Variants in DCAF8 observed in about 807,000 individuals in gnomAD.
DCAF8 encodes DDB1- and CUL4-associated factor 8.
In DCAF8, 20 loss-of-function variants were observed where a neutral mutation model predicts 68.0. That is an observed-to-expected ratio of 0.29 (90% CI 0.21 to 0.43). DCAF8 has a LOEUF of 0.43. Ranked by LOEUF, DCAF8 falls within the 20% of genes least tolerant of loss-of-function variation. The pLI, the probability that DCAF8 is intolerant of heterozygous loss-of-function variation, is 1.00. For missense variants in DCAF8, 460 were observed against 771.0 expected, an observed-to-expected ratio of 0.60 and a Z score of 4.78; for synonymous variants, 230 against 276.9, an observed-to-expected ratio of 0.83 and a Z score of 1.68.
intron 6 of DCAF8, among the ~76,000 whole-genome samples, chr1:160,234,628 T>C (rs1169902222): frequency 6.6e-6 from 1 of 152,246 alleles, no homozygotes; most frequent in Non-Finnish European, 1.5e-5. Context: ...TTCACAACTC[T>C]TTAACACAGC....
chr1:160,238,847 T>C (rs966483765), intron 4 of DCAF8, 100 bp from the exon 5 acceptor site: 2 of 1,231,566 alleles, frequency 1.6e-6, no homozygotes, highest in Admixed American at 3.2e-5. Flanking sequence ...CCCCCTTTTC[T>C]TACATGACAG....
chr1:160,223,668 C>T (rs1033988513), intron 10 of DCAF8, among the ~76,000 whole-genome samples: 1 of 152,166 alleles, frequency 6.6e-6, no homozygotes, highest in Non-Finnish European at 1.5e-5. Context: ...GAAGTCGAGG[C>T]AGGCGGATCA....
At chr1:160,245,505 C>G (rs547745591) in intron 2 of DCAF8, among the ~76,000 whole-genome samples, 114 of 152,262 alleles carry the variant, frequency 7.5e-4, no homozygotes, top group African/African-American at 2.6e-3. Context: ...TTAAAAGTAT[C>G]CTCTGTCAAA....
chr1:160,255,763 G>A (rs1395865930), intron 2 of DCAF8, among the ~76,000 whole-genome samples: 2 of 151,982 alleles, frequency 1.3e-5, no homozygotes, highest in African/African-American at 2.4e-5. Context: ...GGGACTACAG[G>A]TGCATGCCAC....
intron 9 of DCAF8, 120 bp downstream of exon 9, chr1:160,224,942 G>A: frequency 1.1e-6 from 1 of 937,564 alleles, no homozygotes; most frequent in South Asian, 1.3e-5. Flanking sequence ...TTACTCCCCA[G>A]CTGCTCTACT....
chr1:160,252,306 T>C (rs1656629156), intron 2 of DCAF8, among the ~76,000 whole-genome samples: 1 of 152,198 alleles, frequency 6.6e-6, no homozygotes, highest in Admixed American at 6.5e-5. Context: ...TAGAATGCTG[T>C]TGTGGTTGAA....
At chr1:160,242,663 A>G (rs1656165133) in intron 3 of DCAF8, among the ~76,000 whole-genome samples, 2 of 152,216 alleles carry the variant, frequency 1.3e-5, no homozygotes, top group African/African-American at 4.8e-5. Flanking sequence ...AAAGGGCCAG[A>G]TAGTAAAAAC....
intron 2 of DCAF8, among the ~76,000 whole-genome samples, chr1:160,246,480 CTA>C (rs1462862984): frequency 1.4e-4 from 22 of 152,174 alleles, no homozygotes; most frequent in African/African-American, 5.1e-4. Context: ...GATTATGAAC[CTA>C]TATGAGTGAA....
rs1655677256 is a variant in DCAF8, at chr1:160,231,352, C to CA, written c.1014dup (p.Val339CysfsTer22). ...AACTGGTGGGTATTGGCAGGATTCA[C>CA]ATAGATCGTATACAGCCCCACTTTC... On this transcript the variant is annotated frameshift_variant, in exon 7 of 14. Transcript: ENST00000368074. LOFTEE classifies it high-confidence loss of function. The CA allele has an allele frequency of 6.2e-7, 1 of 1,614,166 alleles. No homozygotes were observed. The highest frequency in any genetic ancestry group is 8.5e-7 in the Non-Finnish European group (1 of 1,180,024).
chr1:160,244,541 AGAAATCAACCTCTTGGGG>A (rs1246787970), intron 2 of DCAF8, among the ~76,000 whole-genome samples: 1 of 152,204 alleles, frequency 6.6e-6, no homozygotes, highest in African/African-American at 2.4e-5. Context: ...ACAAATCAAC[AGAAATCAACCTCTTGGGG>A]GAAGAGATTG....
chr1:160,238,404 C>G (rs1413401925), intron 5 of DCAF8, among the ~76,000 whole-genome samples: 1 of 152,214 alleles, frequency 6.6e-6, no homozygotes, highest in African/African-American at 2.4e-5. Context: ...AATGCATGAT[C>G]TAGGGACTTT....
rs1470491005 is a variant in DCAF8, at chr1:160,244,628, T to C, written c.-26-594A>G. On this transcript the variant is annotated intron_variant, in intron 2 of 13. Transcript: ENST00000368074. ...CCTATTATTATTATTCTTTCTTTTT[T>C]TTTTTTTGAGACAGAGTCTCATTCT... 2.6e-5 allele frequency among the ~76,000 whole-genome samples: 4 copies of C among 151,882 alleles called. No homozygotes were observed. The East Asian group carries it at 7.7e-4, about 29-fold the overall frequency.
At chr1:160,244,211 C>T (rs1656231011) in intron 2 of DCAF8, among the ~76,000 whole-genome samples, 177 bp from the exon 3 acceptor site, 2 of 152,162 alleles carry the variant, frequency 1.3e-5, no homozygotes, top group African/African-American at 4.8e-5. Context: ...ATGTTTTCTT[C>T]CCTATGTTTA....
rs1290076592 is a variant in DCAF8 at position 160,261,053 on chromosome 1, T to A, written c.-27+232A>T. Among the ~76,000 whole-genome samples the A allele has an allele frequency of 5.9e-5, 9 of 152,200 alleles. 1 individual carries two copies. Among genetic ancestry groups the A allele is most frequent in the Admixed American group, 5.2e-4 (8 of 15,282 alleles). ...GGGGCAGGGGGCACACATTCACTTC[T>A]AGGCTTAAGTCATTTGGAGATACAC... On this transcript the variant is annotated intron_variant, in intron 2 of 13. Coordinates refer to ENST00000368074, the MANE Select transcript of DCAF8 (RefSeq NM_015726.4).
chr1:160,246,905 C>G (rs2096144), intron 2 of DCAF8, among the ~76,000 whole-genome samples: 97,860 of 152,112 alleles, frequency 0.64, 33,007 homozygotes, highest in African/African-American at 0.86. Context: ...GCTGCAGTGA[C>G]CTGTGATTAT....
rs374353736 is a variant in DCAF8 at position 160,235,969 on chromosome 1, C to T, written c.959+1166G>A. Among the ~76,000 whole-genome samples, 215 of 152,256 alleles carry T rather than the reference C, an allele frequency of 1.4e-3. 2 individuals carry two copies. Among genetic ancestry groups the T allele is most frequent in the African/African-American group, 4.8e-3 (198 of 41,552 alleles). On this transcript the variant is annotated intron_variant, in intron 6 of 13. Transcript: ENST00000368074. ...GGCTAGGCTGGTCTCAAACTCCTGA[C>T]CTCAAGTGATCCACCTGCCTTGGCC... is the stretch of plus-strand genomic sequence containing the variant.
chr1:160,240,071 G>A lies in DCAF8; in HGVS notation c.349C>T (p.Arg117Cys), dbSNP rs200043571. 232 of 1,614,076 alleles carry A rather than the reference G, an allele frequency of 1.4e-4. No homozygotes were observed. Among genetic ancestry groups the A allele is most frequent in the Middle Eastern group, 3.3e-4 (2 of 6,084 alleles). Reference protein sequence around the residue: ...EEEEEEQPRRRVQRKRANRDQ... With the variant: ...EEEEEEQPRRCVQRKRANRDQ... ...CGGTTAGCCCGCTTGCGCTGTACAC[G>A]GCGCCGAGGCTGCTCTTCTTCCTCC... Residue 117 changes from arginine (R) to cysteine (C), a missense_variant, in exon 4 of 14, where the codon CGT becomes TGT. By Grantham distance (180) the Arg-to-Cys change is radical (BLOSUM62 -3). Coordinates refer to ENST00000368074, the MANE Select transcript of DCAF8 (RefSeq NM_015726.4).
At chr1:160,222,555 T>C (rs1018319809) in intron 11 of DCAF8, 96 bp downstream of exon 11, 89 of 1,509,978 alleles carry the variant, frequency 5.9e-5, no homozygotes, top group Non-Finnish European at 7.9e-5. Flanking sequence ...AAACATGGTA[T>C]CATGTAGTCA....
In DCAF8 at chr1:160,218,888, G is replaced by A. The variant is rs1571077034; in HGVS notation, c.1521C>T (p.Pro507=). 6.2e-7 allele frequency: 1 copy of A among 1,614,206 alleles called. No homozygotes were observed. Among genetic ancestry groups the A allele is most frequent in the South Asian group, 1.1e-5 (1 of 91,080 alleles). Residue 507 remains proline, a synonymous_variant, in exon 12 of 14, where the codon CCC becomes CCT. Coordinates refer to ENST00000368074, the MANE Select transcript of DCAF8 (RefSeq NM_015726.4). ...GLDHDVKIWA[P]TAEASTELTG... ...TCAGCTCAGTGGAAGCTTCAGCTGT[G>A]GGTGCCCAGATCTTCACATCATGGT...
Sources: allele counts gnomAD v4.1 joint callset (sites outside exome capture counted in the v4.1 genomes callset), GRCh38; gene constraint gnomAD v4.1.1; transcripts MANE v1.5; gene names NCBI Gene and HGNC (gene_info 2026-07-23, HGNC 2026-07-21).